The following KCTD2 variants were observed in gnomAD, a reference collection of about 807,000 sequenced individuals.
KCTD2 encodes the protein potassium channel tetramerization domain containing 2.
In KCTD2, 18 loss-of-function variants were observed where a neutral mutation model predicts 27.9. That is an observed-to-expected ratio of 0.64 (90% CI 0.45 to 0.96). KCTD2 has a LOEUF of 0.96. Ranked by LOEUF, KCTD2 falls within the 40% of genes least tolerant of loss-of-function variation. The pLI is 0.00. For missense variants in KCTD2, 280 were observed against 348.0 expected, an observed-to-expected ratio of 0.80 and a Z score of 1.56; for synonymous variants, 175 against 148.4, an observed-to-expected ratio of 1.18 and a Z score of -1.30.
intron 2 of KCTD2, among the ~76,000 whole-genome samples, chr17:75,034,430 A>G (rs1007040145): frequency 1.3e-5 from 2 of 152,116 alleles, no homozygotes; most frequent in African/African-American, 2.4e-5. Flanking sequence ...GCCCCTCTCG[A>G]CACCCCAGGT....
chr17:75,060,381 C>A, intron 4 of KCTD2: 1 of 1,446,158 alleles, frequency 6.9e-7, no homozygotes, highest in Non-Finnish European at 9.4e-7. Flanking sequence ...ATTTCACATT[C>A]AAGTGATCCT....
At chr17:75,047,772 T>C (rs1412155914) in intron 1 of KCTD2, among the ~76,000 whole-genome samples, 183 bp downstream of exon 1, 1 of 151,918 alleles carries the variant, frequency 6.6e-6, no homozygotes, top group African/African-American at 2.4e-5. Context: ...CCTTCTTCCA[T>C]GCTGAGGCAT....
At chr17:75,034,191 G>A (rs1205045952) in intron 2 of KCTD2, 2 of 152,184 alleles carry the variant, frequency 1.3e-5, no homozygotes, top group Non-Finnish European at 2.9e-5. Context: ...TCGAAGCTGG[G>A]GAAACTCGTA....
intron 1 of KCTD2, among the ~76,000 whole-genome samples, chr17:75,033,772 C>T (rs1230571386): frequency 6.6e-6 from 1 of 152,256 alleles, no homozygotes; most frequent in East Asian, 1.9e-4. Context: ...ACCGCGGTAT[C>T]TTCCCGCCCG....
chr17:75,034,048 C>T (rs1411946791), exon 2 of KCTD2: 2 of 152,150 alleles, frequency 1.3e-5, no homozygotes, highest in Admixed American at 6.5e-5. Flanking sequence ...CTGGAATCGA[C>T]CTTGGTCTCT....
chr17:75,060,586 C>T lies in KCTD2; in HGVS notation c.636+981C>T, dbSNP rs573508362. 6.7e-4 allele frequency: 1,081 copies of T among 1,610,210 alleles called. 5 individuals carry two copies. Among genetic ancestry groups the T allele is most frequent in the Middle Eastern group, 5.9e-3 (31 of 5,238 alleles). On this transcript the variant is annotated intron_variant, in intron 4 of 5. Coordinates refer to ENST00000322444, the MANE Select transcript of KCTD2 (RefSeq NM_015353.3). ...TTGAAGTTGGCAAAGAGCAGCTGGC[C>T]GGCGCCGGCCTCCCCGCTCTGGCTC...
Position 75,063,373 on chromosome 17 carries a change from C to A in KCTD2, c.*326C>A. 1 of 375,014 alleles carries A rather than the reference C, an allele frequency of 2.7e-6. No homozygotes were observed. The highest frequency in any genetic ancestry group is 5.0e-6 in the Non-Finnish European group (1 of 199,696). 23.2% of individuals were successfully genotyped at this position (375,014 alleles called of 1,614,324 possible). A position where few individuals can be genotyped will look rare whatever the true frequency, so the allele number is the denominator to read the frequency against. On this transcript the variant is annotated 3_prime_UTR_variant, in exon 6 of 6. Transcript: ENST00000322444. ...GGATCTGGGGGATGAGGGCGGAAGG[C>A]CTAGCTCCTTGGAAATGGCCTGTAC... is the stretch of plus-strand genomic sequence containing the variant.
chr17:75,061,232 C>T (rs1443442995), intron 4 of KCTD2, among the ~76,000 whole-genome samples: 5 of 152,354 alleles, frequency 3.3e-5, no homozygotes, highest in East Asian at 3.9e-4. Context: ...TCAGCCATGC[C>T]GCCCATGTGA....
At chr17:75,048,992 A>G (rs2073258492) in intron 1 of KCTD2, 2 of 393,832 alleles carry the variant, frequency 5.1e-6, no homozygotes, top group Admixed American at 4.0e-5. Context: ...GACTGTCTGT[A>G]ACACCCTACC....
intron 5 of KCTD2, 122 bp downstream of exon 5, chr17:75,062,367 T>G: frequency 1.1e-6 from 1 of 919,552 alleles, no homozygotes; most frequent in Non-Finnish European, 1.6e-6. Context: ...CGTTGCATTT[T>G]CCCCTCGTTT....
chr17:75,047,944 C>T (rs1230368181), intron 1 of KCTD2, among the ~76,000 whole-genome samples: 1 of 152,094 alleles, frequency 6.6e-6, no homozygotes. Flanking sequence ...CCTCTTCAGT[C>T]CCCCCACTGC....
intron 3 of KCTD2, among the ~76,000 whole-genome samples, 195 bp downstream of exon 3, chr17:75,053,300 G>A (rs1028544449): frequency 2.0e-5 from 3 of 152,200 alleles, no homozygotes; most frequent in Non-Finnish European, 4.4e-5. Flanking sequence ...ATAGGCCTAT[G>A]TCCCAATAGA....
chr17:75,053,809 T>G (rs1370061631), intron 3 of KCTD2, among the ~76,000 whole-genome samples: 1 of 149,040 alleles, frequency 6.7e-6, no homozygotes, highest in Non-Finnish European at 1.5e-5. Context: ...TGTGAGCCAC[T>G]TGAAACCAGT....
chr17:75,057,206 A>G, intron 3 of KCTD2, among the ~76,000 whole-genome samples: 1 of 151,886 alleles, frequency 6.6e-6, no homozygotes, highest in South Asian at 2.1e-4. Flanking sequence ...CACCAACCTC[A>G]GCCTCCCAAA....
upstream of KCTD2, among the ~76,000 whole-genome samples, chr17:75,044,709 TAAA>T (rs962873090): frequency 6.6e-6 from 1 of 151,332 alleles, no homozygotes; most frequent in Admixed American, 6.6e-5. Context: ...TACAGCCACT[TAAA>T]AAAAAAGTCA....
At chr17:75,061,724 T>G (rs2073405339) in intron 4 of KCTD2, among the ~76,000 whole-genome samples, 1 of 152,210 alleles carries the variant, frequency 6.6e-6, no homozygotes, top group Non-Finnish European at 1.5e-5. Context: ...CAGAGCCTCC[T>G]GTCCCCAGTC....
upstream of KCTD2, among the ~76,000 whole-genome samples, chr17:75,044,665 CAT>C (rs200848025): frequency 3.7e-3 from 560 of 152,048 alleles, 12 homozygotes; most frequent in Admixed American, 0.031. Flanking sequence ...GTATTCAACA[CAT>C]GTGAAAATGT....
intron 3 of KCTD2, chr17:75,042,141 C>A (rs1335328910): frequency 6.5e-7 from 1 of 1,543,566 alleles, no homozygotes; most frequent in African/African-American, 1.4e-5. Flanking sequence ...TACCCACAGG[C>A]ATGTTACAAG....
At chr17:75,049,468 C>G in intron 2 of KCTD2, 140 bp downstream of exon 2, 1 of 575,522 alleles carries the variant, frequency 1.7e-6, no homozygotes, top group South Asian at 2.4e-5. Context: ...AGAGCAGAAA[C>G]TACCAGTCTT....
Sources: allele counts gnomAD v4.1 joint callset (sites outside exome capture counted in the v4.1 genomes callset), GRCh38; gene constraint gnomAD v4.1.1; transcripts MANE v1.5; gene names NCBI Gene and HGNC (gene_info 2026-07-23, HGNC 2026-07-21).